The following ZNF568 variants were observed in gnomAD, a reference collection of about 807,000 sequenced individuals.
The protein encoded by ZNF568 is p53 inhibitor of SCO2 activation.
Under a neutral mutation model 18.1 loss-of-function variants are expected in ZNF568, and 11 were observed. That is an observed-to-expected ratio of 0.61 (90% CI 0.38 to 1.00). The LOEUF (loss-of-function observed/expected upper bound fraction) is 1.00. ZNF568 is among the 50% of genes least tolerant of loss of function. The probability of loss-of-function intolerance (pLI) is 0.01; values close to 1 mark genes in which losing one functional copy is unlikely to be tolerated. For missense variants in ZNF568, 639 were observed against 768.2 expected (o/e 0.83, Z 1.99); for synonymous variants, 213 against 246.6 (o/e 0.86, Z 1.28).
At chr19:36,969,103 C>A (rs574585191) in intron 6 of ZNF568, among the ~76,000 whole-genome samples, 1 of 152,310 alleles carries the variant, frequency 6.6e-6, no homozygotes, top group East Asian at 1.9e-4. Flanking sequence ...GATCCAGCCA[C>A]CTCAGCCTCC....
intron 7 of ZNF568, among the ~76,000 whole-genome samples, chr19:36,976,828 T>C (rs879925533): frequency 8.5e-5 from 13 of 152,130 alleles, no homozygotes; most frequent in Non-Finnish European, 1.8e-4. Context: ...GAGAATCGGC[T>C]GAACCTGGGA....
intron 1 of ZNF568, among the ~76,000 whole-genome samples, 183 bp from the exon 2 acceptor site, chr19:36,917,396 T>C (rs548003241): frequency 8.5e-4 from 129 of 152,328 alleles, no homozygotes; most frequent in Non-Finnish European, 1.2e-3. Context: ...TGAATAATAA[T>C]CTATTAGAGG....
At chr19:36,997,226 G>T (rs781704763) in exon 5 of ZNF568, 62 of 1,608,946 alleles carry the variant, frequency 3.9e-5, no homozygotes, top group Non-Finnish European at 4.8e-5. Context: ...TGTAAGGAAT[G>T]TGGGAAAGCC....
chr19:36,944,258 C>G (rs1328207781), intron 6 of ZNF568, among the ~76,000 whole-genome samples: 1 of 151,584 alleles, frequency 6.6e-6, no homozygotes, highest in African/African-American at 2.4e-5. Flanking sequence ...ATTAGTTGGG[C>G]GTGGTGGTGC....
chr19:36,921,931 C>T (rs1448308403), intron 2 of ZNF568, among the ~76,000 whole-genome samples: 1 of 152,122 alleles, frequency 6.6e-6, no homozygotes, highest in Non-Finnish European at 1.5e-5. Context: ...CGAGCATACA[C>T]CTTTAGACAC....
chr19:36,986,267 G>A (rs1385828083), intron 2 of ZNF568, among the ~76,000 whole-genome samples: 2 of 152,034 alleles, frequency 1.3e-5, no homozygotes, highest in Admixed American at 1.3e-4. Flanking sequence ...TTACTCTAAG[G>A]GCGTGGTTCT....
At chr19:36,944,398 C>CA (rs1004012186) in intron 6 of ZNF568, among the ~76,000 whole-genome samples, 87 of 125,998 alleles carry the variant, frequency 6.9e-4, no homozygotes, top group Admixed American at 1.4e-3. Flanking sequence ...AACTCCATCT[C>CA]AAAAAAAAAA....
chr19:36,923,096 C>T (rs1387392542), intron 3 of ZNF568, among the ~76,000 whole-genome samples: 2 of 152,056 alleles, frequency 1.3e-5, no homozygotes, highest in Non-Finnish European at 2.9e-5. Flanking sequence ...TAAACAAAAG[C>T]TTCCTATTCC....
At position 36,950,729 on chromosome 19, in the gene ZNF568, G is replaced by A. The variant is rs2074045759; in HGVS notation, c.1576G>A (p.Gly526Arg). ...NLTEHEKIHT[G>R]EKPYHCNQCG... Reference sequence around the variant, plus strand: ...CACTGAACATGAGAAAATTCATACTGGAGAGAAACCTTATCATTGTAATCA... The same window carrying A: ...CACTGAACATGAGAAAATTCATACTAGAGAGAAACCTTATCATTGTAATCA... Residue 526 changes from glycine to arginine, a missense_variant, in exon 7 of 7, where the codon GGA becomes AGA. By Grantham distance (125) the Gly-to-Arg change is moderately radical. Coordinates refer to ENST00000333987, the MANE Select transcript of ZNF568 (RefSeq NM_198539.4). 6.2e-7 allele frequency: 1 copy of A among 1,613,564 alleles called. No homozygotes were observed. The highest frequency in any genetic ancestry group is 1.3e-5 in the African/African-American group (1 of 74,902).
chr19:36,993,104 G>T (rs1050530840), intron 4 of ZNF568, among the ~76,000 whole-genome samples: 1 of 152,154 alleles, frequency 6.6e-6, no homozygotes, highest in African/African-American at 2.4e-5. Flanking sequence ...ATGAACATTT[G>T]TATATAGGTT....
intron 2 of ZNF568, among the ~76,000 whole-genome samples, chr19:36,988,058 A>G (rs2074391709): frequency 6.6e-6 from 1 of 151,970 alleles, no homozygotes; most frequent in Admixed American, 6.6e-5. Flanking sequence ...TGTAAAAGCT[A>G]TTATCTATGT....
chr19:36,972,657 C>A (rs73621705), intron 6 of ZNF568, among the ~76,000 whole-genome samples: 1 of 152,224 alleles, frequency 6.6e-6, no homozygotes, highest in Non-Finnish European at 1.5e-5. Context: ...TCAGTGAAGC[C>A]CCAGGTCCGG....
intron 6 of ZNF568, among the ~76,000 whole-genome samples, chr19:36,958,000 T>C (rs1363150954): frequency 6.6e-6 from 1 of 152,228 alleles, no homozygotes; most frequent in East Asian, 1.9e-4. Flanking sequence ...TGGATTTTTG[T>C]CAAGTGATTT....
At chr19:36,984,879 C>T (rs899158096), downstream of ZNF568, among the ~76,000 whole-genome samples, 1 of 151,850 alleles carries the variant, frequency 6.6e-6, no homozygotes, top group African/African-American at 2.4e-5. Flanking sequence ...GTATTTAGTG[C>T]TCTGCAGTTT....
At chr19:36,977,450 GA>G (rs2074295466) in intron 7 of ZNF568, among the ~76,000 whole-genome samples, 1 of 152,086 alleles carries the variant, frequency 6.6e-6, no homozygotes, top group Non-Finnish European at 1.5e-5. Flanking sequence ...GATATGTCTG[GA>G]TGTAGCACTT....
At position 36,958,872 on chromosome 19, in the gene ZNF568, C is replaced by T. The variant is rs181506947; in HGVS notation, c.359-15548C>T. ...CTGACCTCAAGTGATCGAACCTCCT[C>T]GGCCTCCCAAAGTGCTGAGATTACA... On this transcript the variant is annotated intron_variant, in intron 6 of 7. Transcript: ENST00000427117. 2.1e-3 allele frequency among the ~76,000 whole-genome samples: 327 copies of T among 152,146 alleles called. 3 individuals carry two copies. The highest frequency in any genetic ancestry group is 7.5e-3 in the African/African-American group (310 of 41,516).
intron 6 of ZNF568, among the ~76,000 whole-genome samples, chr19:36,969,443 G>C (rs2074219607): frequency 6.6e-6 from 1 of 152,084 alleles, no homozygotes; most frequent in Admixed American, 6.6e-5. Context: ...ATAGTTTTTT[G>C]ATGAATGACA....
At chr19:36,994,332 T>C (rs532542650) in intron 4 of ZNF568, among the ~76,000 whole-genome samples, 1 of 152,338 alleles carries the variant, frequency 6.6e-6, no homozygotes, top group African/African-American at 2.4e-5. Context: ...TAATATATGG[T>C]CTAACCTGAA....
At chr19:36,975,267 C>A (rs2146336067) in intron 7 of ZNF568, among the ~76,000 whole-genome samples, 1 of 151,888 alleles carries the variant, frequency 6.6e-6, no homozygotes, top group African/African-American at 2.4e-5. Context: ...ACTGCCTCAG[C>A]CTCCTGAGTA....
Sources: gnomAD v4.1 joint callset for allele counts (sites outside exome capture counted in the v4.1 genomes callset) on GRCh38, gnomAD v4.1.1 for gene constraint, MANE v1.5 for transcripts, NCBI Gene and HGNC (gene_info 2026-07-23, HGNC 2026-07-21) for gene names.